Variants in CIMIP6 observed in about 807,000 individuals in gnomAD.
CIMIP6 encodes uncharacterized protein C2orf73.
At chr2:54,373,776 T>G in the CIMIP6 span, among the ~76,000 whole-genome samples, 1 of 152,100 alleles carries the variant, frequency 6.6e-6, no homozygotes. Flanking sequence ...ACAGTGGAAG[T>G]CTCCCAAAAA....
At chr2:54,346,913 G>A in the CIMIP6 span, among the ~76,000 whole-genome samples, 3 of 152,166 alleles carry the variant, frequency 2.0e-5, no homozygotes, top group South Asian at 4.2e-4. Flanking sequence ...TGGCCTACAC[G>A]GCCCTTTTTG....
the CIMIP6 span, among the ~76,000 whole-genome samples, chr2:54,333,342 G>A: frequency 2.0e-5 from 3 of 152,306 alleles, no homozygotes; most frequent in Admixed American, 6.5e-5. Context: ...TTTAAGCTGA[G>A]ACCTAAATAT....
chr2:54,339,159 A>AAAAAT, the CIMIP6 span, among the ~76,000 whole-genome samples: 1 of 74,170 alleles, frequency 1.3e-5, no homozygotes, highest in Non-Finnish European at 3.5e-5. Context: ...CATCTCAAGA[A>AAAAAT]AAAATAAAAT....
chr2:54,347,240 G>A, the CIMIP6 span, among the ~76,000 whole-genome samples: 1 of 152,148 alleles, frequency 6.6e-6, no homozygotes. Context: ...AGAGGAGTTG[G>A]ACTGAATTTT....
At chr2:54,350,096 T>A in the CIMIP6 span, among the ~76,000 whole-genome samples, 1 of 152,196 alleles carries the variant, frequency 6.6e-6, no homozygotes. Flanking sequence ...CCTCAGGTGA[T>A]CCACCTGCCT....
chr2:54,333,278 G>C, the CIMIP6 span, among the ~76,000 whole-genome samples: 5 of 152,202 alleles, frequency 3.3e-5, no homozygotes, highest in African/African-American at 1.2e-4. Context: ...TACTAAAATA[G>C]AGAATACATG....
the CIMIP6 span, chr2:54,360,134 C>A: frequency 6.9e-7 from 1 of 1,458,424 alleles, no homozygotes; most frequent in Non-Finnish European, 9.1e-7. Context: ...CGCACAAATT[C>A]AGTTCACAGC....
At chr2:54,344,716 C>CCCAT in the CIMIP6 span, among the ~76,000 whole-genome samples, 5 of 151,554 alleles carry the variant, frequency 3.3e-5, no homozygotes, top group Admixed American at 6.6e-5. Flanking sequence ...AAGCTGATCC[C>CCCAT]CCGTCCCCTT....
At chr2:54,370,682 T>C in the CIMIP6 span, among the ~76,000 whole-genome samples, 1 of 152,190 alleles carries the variant, frequency 6.6e-6, no homozygotes, top group Non-Finnish European at 1.5e-5. Flanking sequence ...GAGAAAGTTC[T>C]GTTGCGGGGG....
At chr2:54,380,408 C>T in the CIMIP6 span, among the ~76,000 whole-genome samples, 1 of 152,120 alleles carries the variant, frequency 6.6e-6, no homozygotes, top group African/African-American at 2.4e-5. Context: ...AACCCCCCTG[C>T]ACTGCCTCAG....
chr2:54,355,086 T>C, the CIMIP6 span, among the ~76,000 whole-genome samples: 131 of 152,282 alleles, frequency 8.6e-4, 1 homozygote, highest in African/African-American at 3.1e-3. Context: ...AAATTTTGGC[T>C]TCACAGTTAA....
chr2:54,381,737 CT>C, the CIMIP6 span: 1 of 1,392,828 alleles, frequency 7.2e-7, no homozygotes. Context: ...GCTTGAATGA[CT>C]TTTCCATCAT....
At chr2:54,382,292 A>T in the CIMIP6 span, among the ~76,000 whole-genome samples, 5 of 152,246 alleles carry the variant, frequency 3.3e-5, no homozygotes, top group Admixed American at 6.5e-5. Flanking sequence ...GAGAACAATA[A>T]AACTGAGCCA....
At chr2:54,357,859 A>G in the CIMIP6 span, among the ~76,000 whole-genome samples, 1 of 151,892 alleles carries the variant, frequency 6.6e-6, no homozygotes, top group African/African-American at 2.4e-5. Context: ...TGCTGGGATT[A>G]CAGGCGTGGG....
chr2:54,346,214 A>G, the CIMIP6 span, among the ~76,000 whole-genome samples: 104 of 152,320 alleles, frequency 6.8e-4, 1 homozygote, highest in South Asian at 3.7e-3. Context: ...TACACAACAG[A>G]ATGTATCTTA....
chr2:54,360,602 G>A, the CIMIP6 span: 3 of 1,437,684 alleles, frequency 2.1e-6, no homozygotes, highest in Non-Finnish European at 2.7e-6. Context: ...CTGGAATATA[G>A]GGAAATTTCA....
chr2:54,335,142 T>A, the CIMIP6 span: 2 of 770,972 alleles, frequency 2.6e-6, no homozygotes, highest in Non-Finnish European at 4.0e-6. Context: ...CTTATCATAA[T>A]CCAATAGTTA....
the CIMIP6 span, chr2:54,383,752 A>G: frequency 5.9e-5 from 9 of 152,016 alleles, no homozygotes; most frequent in Admixed American, 3.9e-4. Context: ...CTCCAAAAGC[A>G]TGTGTTGGAA....
chr2:54,350,675 G>C, the CIMIP6 span, among the ~76,000 whole-genome samples: 1 of 152,190 alleles, frequency 6.6e-6, no homozygotes, highest in Non-Finnish European at 1.5e-5. Context: ...TGAATACTGG[G>C]AGGCCTGATT....
Sources: gnomAD v4.1 joint callset for allele counts (sites outside exome capture counted in the v4.1 genomes callset) on GRCh38, gnomAD v4.1.1 for gene constraint, MANE v1.5 for transcripts, NCBI Gene and HGNC (gene_info 2026-07-23, HGNC 2026-07-21) for gene names.